The following ZNF100 variants were observed in gnomAD, a reference collection of about 807,000 sequenced individuals.
ZNF100 encodes the protein zinc finger protein 100.
In ZNF100, 12 loss-of-function variants were observed where a neutral mutation model predicts 15.8. The ratio of observed to expected loss-of-function variants is 0.76; its 90% CI spans 0.49 to 1.23. ZNF100 has a LOEUF of 1.23. ZNF100 is among the 50% of genes most tolerant of loss of function. ZNF100 has a pLI of 0.00. For synonymous variants in ZNF100, 226 were observed against 214.8 expected (o/e 1.05, Z -0.45); for missense variants, 670 against 635.6 (o/e 1.05, Z -0.58).
intron 2 of ZNF100, chr19:21,753,318 A>C (rs1181912459): frequency 2.0e-5 from 3 of 152,226 alleles, no homozygotes; most frequent in Non-Finnish European, 4.4e-5. Context: ...TCATGCCTAT[A>C]ATCTCAGTAC....
In ZNF100 at chr19:21,723,360, C is replaced by CA. The variant is rs763305626; in HGVS notation, c.*3322dup. 0.19 allele frequency: 9,962 copies of CA among 52,622 alleles called. 1,061 individuals carry two copies. The highest frequency in any genetic ancestry group is 0.23 in the Middle Eastern group (19 of 84). The allele number at this position is 52,622 out of a possible 1,614,324, so 3.3% of individuals were successfully genotyped here. A position where few individuals can be genotyped will look rare whatever the true frequency, so the allele number is the denominator to read the frequency against. On this transcript the variant is annotated 3_prime_UTR_variant, in exon 5 of 5. Coordinates refer to ENST00000358296, the MANE Select transcript of ZNF100 (RefSeq NM_173531.4). ...GGGCAACAAGAGTGAGACTCTGTCT[C>CA]AAAAAAAAAAAAAAAAAAAAAAACA...
At chr19:21,760,818 G>A (rs1408334033) in intron 2 of ZNF100, among the ~76,000 whole-genome samples, 2 of 144,228 alleles carry the variant, frequency 1.4e-5, no homozygotes, top group South Asian at 2.3e-4. Context: ...GTGCAGTGGT[G>A]CGATCTCGGC....
chr19:21,727,070 T>C lies in ZNF100; in HGVS notation c.1242A>G (p.Ser414=), dbSNP rs777170062. ...GAATTCTCTTATGTTTAGTGAGGGC[T>C]GAGGACCAGTTAAAGCCTTTGCCGC... ...EECGKGFNWS[S]ALTKHKRIHT... is the part of the protein sequence containing the mutation. Residue 414 remains serine (S), a synonymous_variant, in exon 5 of 5, where the codon TCA becomes TCG. Coordinates refer to ENST00000358296, the MANE Select transcript of ZNF100 (RefSeq NM_173531.4). 2.5e-6 allele frequency: 4 copies of C among 1,613,626 alleles called. No homozygotes were observed. The highest frequency in any genetic ancestry group is 2.2e-5 in the South Asian group (2 of 91,046).
At chr19:21,730,155 G>T (rs764663535) in intron 4 of ZNF100, among the ~76,000 whole-genome samples, 2 of 151,758 alleles carry the variant, frequency 1.3e-5, no homozygotes. Flanking sequence ...CCAATCAAGA[G>T]ACATACTTTC....
chr19:21,730,445 A>AGAGTGTGTGTGTGTGTGTGT lies in ZNF100; in HGVS notation c.323-2457_323-2456insACACACACACACACACACTC, dbSNP rs71178761. ...AATAGATTCATTTACTGATAACCTAAGTGTGTGTGTGTGTGTGTGTGTGTG... is the reference window on the plus strand; with the variant it reads ...AATAGATTCATTTACTGATAACCTAAGAGTGTGTGTGTGTGTGTGTGTGTGTGTGTGTGTGTGTGTGTGTG... On this transcript the variant is annotated intron_variant, in intron 4 of 4. Coordinates refer to ENST00000358296, the MANE Select transcript of ZNF100 (RefSeq NM_173531.4). Among the ~76,000 whole-genome samples, 4 of 147,718 alleles carry AGAGTGTGTGTGTGTGTGTGT rather than the reference A, an allele frequency of 2.7e-5. No individual in the cohort carries two copies. In the South Asian group the frequency reaches 8.7e-4, roughly 32 times the overall value.
Position 21,744,982 on chromosome 19 carries a change from C to T in ZNF100, c.182G>A (p.Arg61Lys), listed in dbSNP as rs754477535. The change falls in exon 3 of 5, where the codon AGG becomes AAG. Residue 61 changes from arginine to lysine, a missense_variant. Coordinates refer to ENST00000358296, the MANE Select transcript of ZNF100 (RefSeq NM_173531.4). ...TCTGTAGTTCTCTAACATCACTTTC[C>T]TATACAAACCCTGCTGAGCACTGTC... ...CLDSAQQGLYRKVMLENYRNL... is the reference protein window; with the variant it reads ...CLDSAQQGLYKKVMLENYRNL... 8.7e-6 allele frequency: 14 copies of T among 1,611,350 alleles called. No homozygotes were observed. The highest frequency in any genetic ancestry group is 1.1e-5 in the Non-Finnish European group (13 of 1,179,468).
At chr19:21,748,411 G>A (rs1277830161) in intron 2 of ZNF100, among the ~76,000 whole-genome samples, 2 of 152,156 alleles carry the variant, frequency 1.3e-5, no homozygotes, top group Non-Finnish European at 2.9e-5. Flanking sequence ...TCTGCCACTG[G>A]AGTATTTCCA....
Position 21,723,499 on chromosome 19 carries a change from C to T in ZNF100, c.*3184G>A, listed in dbSNP as rs2035719066. The T allele has an allele frequency of 6.6e-6, 1 of 151,788 alleles. No individual in the cohort carries two copies. Among genetic ancestry groups the T allele is most frequent in the Non-Finnish European group, 1.5e-5 (1 of 68,016 alleles). 9.4% of individuals were successfully genotyped at this position (151,788 alleles called of 1,614,324 possible). On this transcript the variant is annotated 3_prime_UTR_variant, in exon 5 of 5. Transcript: ENST00000358296. ...AAAAGGAGATGGGCTGTGCTGCATA[C>T]ATAGCTGGGGATACACATAATAAAT...
chr19:21,750,976 G>T, intron 2 of ZNF100: 2 of 1,056,068 alleles, frequency 1.9e-6, no homozygotes. Context: ...TGGCGGTAGC[G>T]CCCGCTTCTG....
intron 2 of ZNF100, among the ~76,000 whole-genome samples, chr19:21,759,190 A>G (rs548516021): frequency 6.6e-6 from 1 of 152,178 alleles, no homozygotes; most frequent in Non-Finnish European, 1.5e-5. Context: ...ACCTTCCTCA[A>G]GTTCAATAAT....
At chr19:21,732,592 G>C (rs911250006) in intron 4 of ZNF100, among the ~76,000 whole-genome samples, 3 of 151,014 alleles carry the variant, frequency 2.0e-5, no homozygotes, top group African/African-American at 7.3e-5. Flanking sequence ...GGTGTTAGGT[G>C]TCATACCTTA....
chr19:21,729,815 G>A (rs1448911740), intron 4 of ZNF100, among the ~76,000 whole-genome samples: 1 of 151,684 alleles, frequency 6.6e-6, no homozygotes, highest in Non-Finnish European at 1.5e-5. Flanking sequence ...AACATAAAAA[G>A]ATATAATTAG....
rs550827885 is a variant in ZNF100 at position 21,741,677 on chromosome 19, TAA to T, written c.322+2338_322+2339del. Reference sequence around the variant, plus strand: ...GGCATGAGCCACCACGCCTGGCATGTAAAACTTTTTTTTTTTTTGAGACAGTC... The same window carrying T: ...GGCATGAGCCACCACGCCTGGCATGTAACTTTTTTTTTTTTTGAGACAGTC... On this transcript the variant is annotated intron_variant, in intron 4 of 4. Coordinates refer to ENST00000358296, the MANE Select transcript of ZNF100 (RefSeq NM_173531.4). 7.0e-4 allele frequency among the ~76,000 whole-genome samples: 106 copies of T among 151,734 alleles called. 1 individual carries two copies. The highest frequency in any genetic ancestry group is 2.1e-3 in the South Asian group (10 of 4,810).
intron 2 of ZNF100, chr19:21,751,197 A>G: frequency 2.3e-6 from 3 of 1,307,422 alleles, no homozygotes; most frequent in Admixed American, 1.7e-5. Flanking sequence ...AGCTTACTAA[A>G]AAGTATAGCT....
At chr19:21,751,160 A>G (rs1489280969) in intron 2 of ZNF100, 8 of 1,334,454 alleles carry the variant, frequency 6.0e-6, no homozygotes, top group African/African-American at 1.4e-5. Context: ...AGGAAGAGCA[A>G]CCACTTAAAT....
intron 1 of ZNF100, among the ~76,000 whole-genome samples, chr19:21,767,065 G>A (rs1027246404): frequency 6.6e-6 from 1 of 152,194 alleles, no homozygotes; most frequent in Non-Finnish European, 1.5e-5. Flanking sequence ...GAGGAACTGG[G>A]AAAGCCACGG....
chr19:21,765,596 C>T (rs528483293), intron 2 of ZNF100, 98 bp downstream of exon 2: 228 of 1,029,028 alleles, frequency 2.2e-4, no homozygotes, highest in Non-Finnish European at 3.3e-4. Flanking sequence ...TTTTGTGTTT[C>T]CCCTCAATAC....
chr19:21,740,364 T>C (rs1377109223), intron 4 of ZNF100, among the ~76,000 whole-genome samples: 1 of 151,932 alleles, frequency 6.6e-6, no homozygotes, highest in Non-Finnish European at 1.5e-5. Context: ...TAGAACAAAA[T>C]AGAAAAAAGT....
chr19:21,767,291 G>T, intron 1 of ZNF100, 136 bp downstream of exon 1: 2 of 1,472,760 alleles, frequency 1.4e-6, no homozygotes, highest in Non-Finnish European at 1.9e-6. Context: ...TGGCCGAAGG[G>T]GACGGAGGCC....
Sources: allele counts gnomAD v4.1 joint callset (sites outside exome capture counted in the v4.1 genomes callset), GRCh38; gene constraint gnomAD v4.1.1; transcripts MANE v1.5; gene names NCBI Gene and HGNC (gene_info 2026-07-23, HGNC 2026-07-21).